Variants in CCN3 observed in about 807,000 individuals in gnomAD.
CCN3 encodes CCN family member 3.
A neutral mutation model predicts 33.4 loss-of-function variants in CCN3; 20 were observed. That is an observed-to-expected ratio of 0.60 (90% CI 0.42 to 0.87). The LOEUF (loss-of-function observed/expected upper bound fraction) is 0.87, where lower values mean the gene tolerates loss of function less well. Among genes scored for constraint, CCN3 ranks in the 40% least tolerant of loss-of-function variants. The pLI is 0.00. For synonymous variants in CCN3, 205 were observed against 170.4 expected, an observed-to-expected ratio of 1.20 and a Z score of -1.58; for missense variants, 465 against 455.3, an observed-to-expected ratio of 1.02 and a Z score of -0.19.
At position 119,418,077 on chromosome 8, in the gene CCN3, T is replaced by C. The variant is rs1478336863; in HGVS notation, c.330T>C (p.Cys110=). 1.2e-6 allele frequency: 2 copies of C among 1,613,670 alleles called. No homozygotes were observed. The highest frequency in any genetic ancestry group is 3.3e-5 in the Admixed American group (2 of 60,024). Residue 110 remains cysteine (C), a synonymous_variant, in exon 3 of 5, where the codon TGT becomes TGC. Transcript: ENST00000259526. ...GICTAVEGDN[C]VFDGVIYRSG... Reference sequence around the variant, plus strand: ...TTCTAGCGGTAGAGGGAGATAACTGTGTGTTCGATGGGGTCATCTACCGCA... The same window carrying C: ...TTCTAGCGGTAGAGGGAGATAACTGCGTGTTCGATGGGGTCATCTACCGCA...
chr8:119,418,255 A>C lies in CCN3; in HGVS notation c.508A>C (p.Lys170Gln), dbSNP rs1303287313. 6.2e-7 allele frequency: 1 copy of C among 1,614,184 alleles called. No individual in the cohort carries two copies. The highest frequency in any genetic ancestry group is 8.5e-7 in the Non-Finnish European group (1 of 1,180,024). ...TGAGGTGCCTGGAGAGTGCTGTGAA[A>C]AGTGGATCTGTGGCCCAGATGAGGA... ...KVEVPGECCE[K>Q]WICGPDEEDS... Residue 170 changes from lysine to glutamine, a missense_variant, in exon 3 of 5, where the codon AAG (lysine) becomes CAG (glutamine). Physicochemically the swap from Lys to Gln is moderately conservative, Grantham distance 53 (BLOSUM62 1). Coordinates refer to ENST00000259526, the MANE Select transcript of CCN3 (RefSeq NM_002514.4).
intron 2 of CCN3, among the ~76,000 whole-genome samples, chr8:119,417,296 C>T (rs1563615786): frequency 6.6e-6 from 1 of 152,102 alleles, no homozygotes; most frequent in Non-Finnish European, 1.5e-5. Flanking sequence ...TCTAGGGGGC[C>T]ACTTGGGGCT....
chr8:119,420,088 A>G (rs1563616849), intron 4 of CCN3: 1 of 152,166 alleles, frequency 6.6e-6, no homozygotes, highest in African/African-American at 2.4e-5. Context: ...CATTATATGG[A>G]TCCTTATACA....
rs918007010 is a variant in CCN3, at chr8:119,423,642, G to C, written c.*510G>C. 1.3e-5 allele frequency: 2 copies of C among 153,014 alleles called. No individual in the cohort carries two copies. The highest frequency in any genetic ancestry group is 2.9e-5 in the Non-Finnish European group (2 of 68,638). The allele number at this position is 153,014 out of a possible 1,614,324, so 9.5% of individuals were successfully genotyped here. On this transcript the variant is annotated 3_prime_UTR_variant, in exon 5 of 5. Transcript: ENST00000259526. ...CTGAACTTCCAAGCTCCAAATCCAAGGAAACATGCAGCTCTTCAACATGAC... is the reference window on the plus strand; with the variant it reads ...CTGAACTTCCAAGCTCCAAATCCAACGAAACATGCAGCTCTTCAACATGAC...
rs1020923021 is a variant in CCN3, at chr8:119,419,142, G to C, written c.574G>C (p.Glu192Gln). The C allele has an allele frequency of 3.0e-5, 48 of 1,613,858 alleles. No individual in the cohort carries two copies. The highest frequency in any genetic ancestry group is 4.0e-5 in the Non-Finnish European group (47 of 1,179,918). Residue 192 changes from glutamate (E) to glutamine (Q), a missense_variant, in exon 4 of 5, where the codon GAA (glutamate) becomes CAA (glutamine). Coordinates refer to ENST00000259526, the MANE Select transcript of CCN3 (RefSeq NM_002514.4). ...TATACATCCCATAGCTTACAGGCCA[G>C]AAGCCACCCTAGGAGTAGAAGTCTC... ...GGLTLAAYRP[E>Q]ATLGVEVSDS...
intron 4 of CCN3, among the ~76,000 whole-genome samples, chr8:119,420,551 C>T (rs1338452078): frequency 6.6e-6 from 1 of 152,118 alleles, no homozygotes; most frequent in Non-Finnish European, 1.5e-5. Flanking sequence ...CACCTTATCC[C>T]TAAAATTATA....
At chr8:119,417,948 A>G (rs890207038) in intron 2 of CCN3, 110 bp from the exon 3 acceptor site, 2 of 1,115,502 alleles carry the variant, frequency 1.8e-6, no homozygotes, top group African/African-American at 3.1e-5. Flanking sequence ...CTAGAAAAGG[A>G]CTTGGGTTTT....
chr8:119,418,047 C>T lies in CCN3; in HGVS notation c.311-11C>T. ...CTCTTTGCTTTTCACTTTGCTTCCC[C>T]AATATTCTAGCGGTAGAGGGAGATA... is the stretch of plus-strand genomic sequence containing the variant. On this transcript the variant is annotated splice_polypyrimidine_tract_variant and intron_variant, in intron 2 of 4. Coordinates refer to ENST00000259526, the MANE Select transcript of CCN3 (RefSeq NM_002514.4). The T allele has an allele frequency of 6.2e-7, 1 of 1,604,586 alleles. No individual in the cohort carries two copies. Among genetic ancestry groups the T allele is most frequent in the Non-Finnish European group, 8.5e-7 (1 of 1,172,460 alleles).
chr8:119,419,423 GTGTCACTC>G, intron 4 of CCN3, 78 bp downstream of exon 4: 1 of 1,413,662 alleles, frequency 7.1e-7, no homozygotes, highest in Non-Finnish European at 9.9e-7. Context: ...GAAAGTCACT[GTGTCACTC>G]TGTGACGGAG....
At chr8:119,422,576 T>C (rs969811592) in intron 4 of CCN3, among the ~76,000 whole-genome samples, 5 of 152,282 alleles carry the variant, frequency 3.3e-5, no homozygotes, top group East Asian at 1.9e-4. Context: ...CAATAAAGAA[T>C]TGTACCTACT....
Position 119,418,092 on chromosome 8 carries a change from C to T in CCN3, c.345C>T (p.Val115=). ...VEGDNCVFDG[V]IYRSGEKFQP... is the part of the protein sequence containing the mutation. ...GAGATAACTGTGTGTTCGATGGGGT[C>T]ATCTACCGCAGTGGAGAGAAATTTC... The change falls in exon 3 of 5, where the codon GTC becomes GTT. Residue 115 remains valine (V), a synonymous_variant. Coordinates refer to ENST00000259526, the MANE Select transcript of CCN3 (RefSeq NM_002514.4). 2 of 1,614,130 alleles carry T rather than the reference C, an allele frequency of 1.2e-6. No homozygotes were observed. The highest frequency in any genetic ancestry group is 1.7e-6 in the Non-Finnish European group (2 of 1,179,978).
chr8:119,419,471 G>A (rs1038980496), intron 4 of CCN3, 126 bp downstream of exon 4: 21 of 879,428 alleles, frequency 2.4e-5, no homozygotes, highest in African/African-American at 2.2e-4. Flanking sequence ...GTTAACCCCA[G>A]AGAAAAGGCA....
chr8:119,417,124 A>G, intron 2 of CCN3, 155 bp downstream of exon 2: 1 of 711,460 alleles, frequency 1.4e-6, no homozygotes, highest in South Asian at 2.1e-5. Flanking sequence ...TGTGTCAGGC[A>G]TGGTTTGGGG....
Position 119,416,578 on chromosome 8 carries a change from C to T in CCN3, c.46C>T (p.Leu16Phe). 5.0e-6 allele frequency: 8 copies of T among 1,614,032 alleles called. No homozygotes were observed. Among genetic ancestry groups the T allele is most frequent in the Non-Finnish European group, 6.8e-6 (8 of 1,179,974 alleles). Reference sequence around the variant, plus strand: ...GAGCTTTTGTCTCCGAAAGCAGTGCCTTTGCCTGACCTTCCTGCTTCTCCA... The same window carrying T: ...GAGCTTTTGTCTCCGAAAGCAGTGCTTTTGCCTGACCTTCCTGCTTCTCCA... ...STSFCLRKQC[L>F]CLTFLLLHLL... The change falls in exon 1 of 5, where the codon CTT becomes TTT. Residue 16 changes from leucine to phenylalanine, a missense_variant. Coordinates refer to ENST00000259526, the MANE Select transcript of CCN3 (RefSeq NM_002514.4).
Position 119,419,300 on chromosome 8 carries a change from C to T in CCN3, c.732C>T (p.Cys244=). The stretch of plus-strand genomic sequence containing the variant: ...AGATGCTGAAACAGACTCGGCTCTG[C>T]ATGGTGCGGCCCTGTGAACAAGAGC... ...QCEMLKQTRL[C]MVRPCEQEPE... Residue 244 remains cysteine (C), a synonymous_variant, in exon 4 of 5, where the codon TGC becomes TGT. Coordinates refer to ENST00000259526, the MANE Select transcript of CCN3 (RefSeq NM_002514.4). 1.2e-6 allele frequency: 2 copies of T among 1,614,126 alleles called. No individual in the cohort carries two copies. Among genetic ancestry groups the T allele is most frequent in the East Asian group, 4.5e-5 (2 of 44,878 alleles).
At position 119,419,357 on chromosome 8, in the gene CCN3, G is replaced by C; in HGVS notation, c.777+12G>C. On this transcript the variant is annotated intron_variant, in intron 4 of 4. Coordinates refer to ENST00000259526, the MANE Select transcript of CCN3 (RefSeq NM_002514.4). ...AGCCAACAGATAAGGTAGGAGCCTG[G>C]AGGAAACCTCCCATCCTGAAGGTAA... The C allele has an allele frequency of 1.2e-6, 2 of 1,612,316 alleles. No homozygotes were observed. Among genetic ancestry groups the C allele is most frequent in the African/African-American group, 1.3e-5 (1 of 75,010 alleles).
Position 119,418,314 on chromosome 8 carries a change from G to GA in CCN3, c.562+8dup. 1 of 1,613,906 alleles carries GA rather than the reference G, an allele frequency of 6.2e-7. No homozygotes were observed. Among genetic ancestry groups the GA allele is most frequent in the Non-Finnish European group, 8.5e-7 (1 of 1,180,018 alleles). ...TGGGAGGCCTTACCCTTGCAGGTGA[G>GA]AAACTCAATATACCTAGGGCTGGTC... On this transcript the variant is annotated splice_donor_region_variant and intron_variant, in intron 3 of 4. Coordinates refer to ENST00000259526, the MANE Select transcript of CCN3 (RefSeq NM_002514.4).
intron 4 of CCN3, among the ~76,000 whole-genome samples, chr8:119,420,693 C>G (rs1194134890): frequency 6.6e-6 from 1 of 152,108 alleles, no homozygotes; most frequent in Non-Finnish European, 1.5e-5. Context: ...TATCCTGTAC[C>G]ATTTTGTGGG....
intron 4 of CCN3, among the ~76,000 whole-genome samples, chr8:119,422,451 G>T (rs934817519): frequency 6.6e-6 from 1 of 152,154 alleles, no homozygotes; most frequent in Non-Finnish European, 1.5e-5. Context: ...TGTCTTAAAA[G>T]ATAGGTTTTG....
Sources: allele counts gnomAD v4.1 joint callset (sites outside exome capture counted in the v4.1 genomes callset), GRCh38; gene constraint gnomAD v4.1.1; transcripts MANE v1.5; gene names NCBI Gene and HGNC (gene_info 2026-07-23, HGNC 2026-07-21).